RB1CC1: variants seen among roughly 807,000 people sequenced by gnomAD.
RB1CC1 encodes RB1-inducible coiled-coil protein 1.
Under a neutral mutation model 177.5 loss-of-function variants are expected in RB1CC1, and 46 were observed. The observed-to-expected ratio is 0.26, with a 90% CI of 0.20 to 0.33. The LOEUF is 0.33. RB1CC1 is among the 10% of genes least tolerant of loss of function. RB1CC1 has a pLI of 1.00. For missense variants in RB1CC1, 1,703 were observed against 1,816.3 expected (o/e 0.94, Z 1.13); for synonymous variants, 666 against 613.6 (o/e 1.09, Z -1.26).
chr8:52,707,432 C>CTTTTTTTT (rs386412758), intron 1 of RB1CC1, among the ~76,000 whole-genome samples: 2 of 128,840 alleles, frequency 1.6e-5, no homozygotes, highest in African/African-American at 2.9e-5. Context: ...TTCTTTCTTT[C>CTTTTTTTT]TTTTTTTTTT....
At chr8:52,695,321 A>G (rs942100367) in intron 1 of RB1CC1, among the ~76,000 whole-genome samples, 1 of 152,274 alleles carries the variant, frequency 6.6e-6, no homozygotes, top group African/African-American at 2.4e-5. Context: ...ACCTAGAGCC[A>G]GAAGTACCCA....
intron 7 of RB1CC1, among the ~76,000 whole-genome samples, chr8:52,671,586 T>G (rs568811985): frequency 9.2e-5 from 14 of 152,334 alleles, no homozygotes; most frequent in Admixed American, 2.6e-4. Flanking sequence ...AAAAACATCA[T>G]GGTAAAGTGC....
intron 1 of RB1CC1, among the ~76,000 whole-genome samples, chr8:52,693,398 T>C (rs1368396899): frequency 6.6e-6 from 1 of 152,154 alleles, no homozygotes; most frequent in East Asian, 1.9e-4. Context: ...ATATCCAGCA[T>C]CTTCAAGGAA....
rs1849364601 is a variant in RB1CC1 at position 52,639,025 on chromosome 8, CTTTA to C, written c.4338-2960_4338-2957del. On this transcript the variant is annotated intron_variant, in intron 18 of 23. Coordinates refer to ENST00000025008, the MANE Select transcript of RB1CC1 (RefSeq NM_014781.5). ...GCAGGACAAATCTCTACTCTCTGAT[CTTTA>C]TTTAGAAATGCTATCAATTATTTTT... is the stretch of plus-strand genomic sequence containing the variant. Among the ~76,000 whole-genome samples, 4 of 152,198 alleles carry C rather than the reference CTTTA, an allele frequency of 2.6e-5. No homozygotes were observed. In the South Asian group the frequency reaches 8.3e-4, roughly 32 times the overall value.
At chr8:52,633,887 G>A (rs1264610496) in intron 20 of RB1CC1, among the ~76,000 whole-genome samples, 2 of 152,060 alleles carry the variant, frequency 1.3e-5, no homozygotes, top group African/African-American at 2.4e-5. Flanking sequence ...TCAGCAGTTC[G>A]AGACCAGCCT....
At position 52,699,647 on chromosome 8, in the gene RB1CC1, G is replaced by GAA. The variant is rs373480962; in HGVS notation, c.-166-12682_-166-12681dup. Among the ~76,000 whole-genome samples, 498 of 123,642 alleles carry GAA rather than the reference G, an allele frequency of 4.0e-3. 5 individuals carry two copies. Among genetic ancestry groups the GAA allele is most frequent in the East Asian group, 0.017 (70 of 4,132 alleles). The allele number at this position is 123,642 out of a possible 152,430, so 81.1% of individuals were successfully genotyped here. ...AACATGGTGAAACCCTGTCTCTAGT[G>GAA]AAAAAAAAAAAAAAATACAAAATTA... On this transcript the variant is annotated intron_variant, in intron 1 of 23. Coordinates refer to ENST00000025008, the MANE Select transcript of RB1CC1 (RefSeq NM_014781.5).
intron 5 of RB1CC1, among the ~76,000 whole-genome samples, chr8:52,680,672 TA>T (rs944184860): frequency 6.0e-5 from 9 of 151,202 alleles, no homozygotes; most frequent in South Asian, 2.1e-4. Context: ...AGAACAGATT[TA>T]AAAAAAAACT....
chr8:52,685,438 C>T lies in RB1CC1; in HGVS notation c.32G>A (p.Gly11Glu), dbSNP rs1212325781. Residue 11 changes from glycine to glutamate, a missense_variant, in exon 3 of 24, where the codon GGA becomes GAA. Around this residue, in one of 6 missense-constraint regions of RB1CC1, gnomAD observed 118 missense variants for 121.2 expected, o/e 0.97. Transcript: ENST00000025008. MKLYVFLVNT[G>E]TTLTFDTELT... ...TTCAGTGTCAAATGTTAGAGTAGTT[C>T]CAGTGTTAACCAGAAATACATATAA... The T allele has an allele frequency of 6.3e-7, 1 of 1,598,094 alleles. No individual in the cohort carries two copies. The highest frequency in any genetic ancestry group is 8.5e-7 in the Non-Finnish European group (1 of 1,170,106).
intron 1 of RB1CC1, among the ~76,000 whole-genome samples, chr8:52,704,702 ACTCT>A (rs1026146021): frequency 3.9e-4 from 60 of 152,190 alleles, no homozygotes; most frequent in African/African-American, 1.3e-3. Flanking sequence ...AAGTGGGTTG[ACTCT>A]CTATGATCTA....
intron 1 of RB1CC1, among the ~76,000 whole-genome samples, chr8:52,711,164 A>G (rs1418221899): frequency 6.6e-6 from 1 of 152,178 alleles, no homozygotes; most frequent in Non-Finnish European, 1.5e-5. Flanking sequence ...CACTCACTAA[A>G]CAGCCATGAA....
At chr8:52,679,628 G>A (rs1394287352) in intron 5 of RB1CC1, among the ~76,000 whole-genome samples, 3 of 152,116 alleles carry the variant, frequency 2.0e-5, no homozygotes, top group African/African-American at 7.2e-5. Flanking sequence ...ATGTTACCAG[G>A]ACCCCCTGAA....
intron 1 of RB1CC1, among the ~76,000 whole-genome samples, chr8:52,701,631 G>C (rs1001066236): frequency 2.0e-5 from 3 of 151,896 alleles, no homozygotes; most frequent in African/African-American, 7.3e-5. Context: ...GCCCTCAAAT[G>C]ATCCTCCCAC....
At position 52,657,426 on chromosome 8, in the gene RB1CC1, ACAT is replaced by A; in HGVS notation, c.2400_2402del (p.Arg800_Cys801delinsSer). The A allele has an allele frequency of 6.2e-7, 1 of 1,613,852 alleles. No individual in the cohort carries two copies. Among genetic ancestry groups the A allele is most frequent in the Non-Finnish European group, 8.5e-7 (1 of 1,180,002 alleles). On this transcript the variant is annotated inframe_deletion, in exon 15 of 24. Transcript: ENST00000025008. ...AGTGAGAGTCTTGGGCAACAACTCT[ACAT>A]CTTTCCAACTGGACATTCAGAGAAG...
At chr8:52,652,385 G>A (rs563096280) in intron 15 of RB1CC1, among the ~76,000 whole-genome samples, 18 of 147,936 alleles carry the variant, frequency 1.2e-4, no homozygotes, top group Admixed American at 1.2e-3. Context: ...AGAATCACTT[G>A]AACCTGGGAG....
At chr8:52,632,474 T>G (rs954636930) in intron 20 of RB1CC1, among the ~76,000 whole-genome samples, 1 of 152,208 alleles carries the variant, frequency 6.6e-6, no homozygotes, top group African/African-American at 2.4e-5. Context: ...ATCCTGCCAG[T>G]GAAGATAAGA....
chr8:52,692,855 T>G (rs1174884358), intron 1 of RB1CC1, among the ~76,000 whole-genome samples: 1 of 152,172 alleles, frequency 6.6e-6, no homozygotes, highest in Non-Finnish European at 1.5e-5. Context: ...CAGAACACTT[T>G]AAATGTGACA....
Position 52,630,476 on chromosome 8 carries a change from A to G in RB1CC1, c.4493T>C (p.Ile1498Thr), listed in dbSNP as rs1049689544. ...VSSRHSEKIAIRDFQVGDLVL... is the reference protein window; with the variant it reads ...VSSRHSEKIATRDFQVGDLVL... ...ACAAAACTAAAATACTTACTCTCTA[A>G]TAGCTATCTTTTCAGAATGCCTTGA... is the stretch of plus-strand genomic sequence containing the variant. The change falls in exon 21 of 24, where the codon ATT (isoleucine) becomes ACT (threonine). Residue 1498 changes from isoleucine (I) to threonine (T), a missense_variant. Transcript: ENST00000025008. The G allele has an allele frequency of 6.3e-7, 1 of 1,584,818 alleles. No individual in the cohort carries two copies. Among genetic ancestry groups the G allele is most frequent in the Non-Finnish European group, 8.6e-7 (1 of 1,168,798 alleles).
chr8:52,699,556 C>A (rs1334300735), intron 1 of RB1CC1, among the ~76,000 whole-genome samples: 2 of 151,156 alleles, frequency 1.3e-5, no homozygotes, highest in Non-Finnish European at 2.9e-5. Flanking sequence ...CGCCTGTAAT[C>A]CCAGCACTTT....
At chr8:52,663,614 T>C (rs527306911) in intron 8 of RB1CC1, among the ~76,000 whole-genome samples, 8 of 152,222 alleles carry the variant, frequency 5.3e-5, no homozygotes, top group South Asian at 2.1e-4. Flanking sequence ...ACTCCTAAAA[T>C]TGGATAATCT....
Sources: allele counts gnomAD v4.1 joint callset (sites outside exome capture counted in the v4.1 genomes callset), GRCh38; gene constraint gnomAD v4.1.1; regional missense constraint gnomAD v4.1.1; transcripts MANE v1.5; gene names NCBI Gene and HGNC (gene_info 2026-07-23, HGNC 2026-07-21).